DLGAP2: variants seen among roughly 807,000 people sequenced by gnomAD.
DLGAP2 encodes disks large-associated protein 2.
A neutral mutation model predicts 100.3 loss-of-function variants in DLGAP2; 26 were observed. The observed-to-expected ratio is 0.26, with a 90% CI of 0.19 to 0.36. The LOEUF is 0.36. DLGAP2 is among the 10% of genes least tolerant of loss of function. The pLI, the probability that DLGAP2 is intolerant of heterozygous loss-of-function variation, is 1.00. For synonymous variants in DLGAP2, 886 were observed against 630.1 expected, an observed-to-expected ratio of 1.41 and a Z score of -6.08; for missense variants, 1,858 against 1,453.2, an observed-to-expected ratio of 1.28 and a Z score of -4.53.
At chr8:1,053,610 G>A (rs1179904052) in intron 2 of DLGAP2, among the ~76,000 whole-genome samples, 1 of 152,146 alleles carries the variant, frequency 6.6e-6, no homozygotes, top group African/African-American at 2.4e-5. Context: ...CCCGATAACT[G>A]CGAGGAATTC....
intron 1 of DLGAP2, among the ~76,000 whole-genome samples, chr8:832,686 A>C (rs1034825721): frequency 6.6e-6 from 1 of 152,114 alleles, no homozygotes; most frequent in Non-Finnish European, 1.5e-5. Context: ...TTAAAGCTTT[A>C]TTTCCCTTTT....
intron 3 of DLGAP2, among the ~76,000 whole-genome samples, chr8:1,382,702 G>A (rs1009855927): frequency 4.6e-5 from 7 of 152,152 alleles, no homozygotes; most frequent in African/African-American, 7.2e-5. Flanking sequence ...TGATCGTGCC[G>A]CTGCACTCCA....
chr8:758,035 T>G (rs1189343288), intron 1 of DLGAP2, among the ~76,000 whole-genome samples: 3 of 152,306 alleles, frequency 2.0e-5, no homozygotes, highest in African/African-American at 7.2e-5. Context: ...TGCCCTGTTA[T>G]TTTATCTGTG....
At chr8:1,066,554 C>A (rs1230412144) in intron 2 of DLGAP2, among the ~76,000 whole-genome samples, 1 of 150,088 alleles carries the variant, frequency 6.7e-6, no homozygotes, top group African/African-American at 2.5e-5. Context: ...AGTTCCCTAC[C>A]ACGGTCAGGT....
At position 1,701,804 on chromosome 8, in the gene DLGAP2, AC is replaced by A. The variant is rs1446187949; in HGVS notation, c.*399del. 19 of 188,796 alleles carry A rather than the reference AC, an allele frequency of 1.0e-4. No individual in the cohort carries two copies. The highest frequency in any genetic ancestry group is 9.4e-4 in the Admixed American group (16 of 17,026). 11.7% of individuals were successfully genotyped at this position (188,796 alleles called of 1,614,324 possible). On this transcript the variant is annotated 3_prime_UTR_variant, in exon 15 of 15. Transcript: ENST00000637795. ...AGGTAAGAATAACAAGTAACTATAA[AC>A]GGGTGCATCCCACCACTCCCTGGAG... is the stretch of plus-strand genomic sequence containing the variant.
rs1347632444 is a variant in DLGAP2, at chr8:1,337,668, A to G, written c.106+78785A>G. ...GCAGTGGTTTCTTAGATGTGACACCAAAAGCATAAGCAACACAAGGATAAA... is the reference window on the plus strand; with the variant it reads ...GCAGTGGTTTCTTAGATGTGACACCGAAAGCATAAGCAACACAAGGATAAA... On this transcript the variant is annotated intron_variant, in intron 3 of 14. Transcript: ENST00000637795. Among the ~76,000 whole-genome samples the G allele has an allele frequency of 3.3e-5, 5 of 152,136 alleles. No homozygotes were observed. The South Asian group carries it at 1.0e-3, about 32-fold the overall frequency.
chr8:1,438,093 A>C (rs1797703810), intron 3 of DLGAP2, among the ~76,000 whole-genome samples: 1 of 152,160 alleles, frequency 6.6e-6, no homozygotes, highest in African/African-American at 2.4e-5. Flanking sequence ...CTTCAGAAAC[A>C]CCTGCTGGTC....
intron 1 of DLGAP2, among the ~76,000 whole-genome samples, chr8:780,582 C>T (rs1265230858): frequency 2.6e-5 from 4 of 152,226 alleles, no homozygotes; most frequent in African/African-American, 7.2e-5. Flanking sequence ...TTTACCTTCC[C>T]GTCAGTGGTG....
intron 2 of DLGAP2, among the ~76,000 whole-genome samples, chr8:1,228,123 A>G (rs1402291924): frequency 1.3e-5 from 2 of 152,174 alleles, no homozygotes; most frequent in African/African-American, 4.8e-5. Context: ...GATATACCTA[A>G]TGTAAATGAT....
chr8:1,464,861 G>A lies in DLGAP2; in HGVS notation c.107-36505G>A, dbSNP rs185034450. ...CAGAAGCTGACCTTCCTATGCAAGAGTTTCAGAGGAGGACATAGAATCACT... is the reference window on the plus strand; with the variant it reads ...CAGAAGCTGACCTTCCTATGCAAGAATTTCAGAGGAGGACATAGAATCACT... On this transcript the variant is annotated intron_variant, in intron 3 of 14. Transcript: ENST00000637795. 8.1e-4 allele frequency among the ~76,000 whole-genome samples: 123 copies of A among 152,318 alleles called. 1 individual carries two copies. Among genetic ancestry groups the A allele is most frequent in the African/African-American group, 2.9e-3 (120 of 41,558 alleles).
intron 5 of DLGAP2, among the ~76,000 whole-genome samples, chr8:1,556,720 A>G (rs1801977694): frequency 6.6e-6 from 1 of 152,198 alleles, no homozygotes; most frequent in Non-Finnish European, 1.5e-5. Flanking sequence ...TTAAGAAAAT[A>G]AAGTGGGCAG....
At chr8:1,342,136 G>T (rs1801432737) in intron 3 of DLGAP2, among the ~76,000 whole-genome samples, 1 of 151,934 alleles carries the variant, frequency 6.6e-6, no homozygotes, top group South Asian at 2.1e-4. Flanking sequence ...TACAGATGGG[G>T]TTTTACCATG....
At chr8:1,519,876 C>A (rs963795886) in intron 4 of DLGAP2, among the ~76,000 whole-genome samples, 3 of 152,210 alleles carry the variant, frequency 2.0e-5, no homozygotes, top group Non-Finnish European at 4.4e-5. Flanking sequence ...AGCAGGGGAG[C>A]ATGGGTGGGG....
chr8:1,179,405 C>G (rs540455148), intron 2 of DLGAP2, among the ~76,000 whole-genome samples: 3 of 152,242 alleles, frequency 2.0e-5, no homozygotes, highest in Non-Finnish European at 4.4e-5. Context: ...TCGATGGACA[C>G]TTGTGCTGCC....
chr8:812,318 C>T (rs1334770010), intron 1 of DLGAP2, among the ~76,000 whole-genome samples: 2 of 152,096 alleles, frequency 1.3e-5, no homozygotes, highest in African/African-American at 2.4e-5. Context: ...TGGGGTGTGT[C>T]CTGACTGCCC....
intron 14 of DLGAP2, among the ~76,000 whole-genome samples, chr8:1,698,630 G>A (rs988118602): frequency 3.3e-5 from 5 of 151,720 alleles, no homozygotes; most frequent in Non-Finnish European, 5.9e-5. Flanking sequence ...AGCCCTGCAT[G>A]GGACTAGACA....
chr8:1,323,370 G>A (rs1800949770), intron 3 of DLGAP2, among the ~76,000 whole-genome samples: 1 of 152,120 alleles, frequency 6.6e-6, no homozygotes, highest in South Asian at 2.1e-4. Context: ...CAACCACGAT[G>A]CACATCCTCC....
At chr8:1,428,573 C>G (rs1287913162) in intron 3 of DLGAP2, among the ~76,000 whole-genome samples, 1 of 152,158 alleles carries the variant, frequency 6.6e-6, no homozygotes, top group Non-Finnish European at 1.5e-5. Context: ...CTGCTGGGAA[C>G]AGATGGAAAA....
At chr8:1,688,848 G>A (rs369627502) in intron 12 of DLGAP2, among the ~76,000 whole-genome samples, 16 of 152,274 alleles carry the variant, frequency 1.1e-4, no homozygotes, top group African/African-American at 2.9e-4. Flanking sequence ...TCTGGGTCAC[G>A]GCGTGCCATA....
Sources: gnomAD v4.1 joint callset for allele counts (sites outside exome capture counted in the v4.1 genomes callset) on GRCh38, gnomAD v4.1.1 for gene constraint, MANE v1.5 for transcripts, NCBI Gene and HGNC (gene_info 2026-07-23, HGNC 2026-07-21) for gene names.